Variants in FHIT observed in about 807,000 individuals in gnomAD.
FHIT encodes the protein bis(5'-adenosyl)-triphosphatase.
A neutral mutation model predicts 17.9 loss-of-function variants in FHIT; 19 were observed. The ratio of observed to expected loss-of-function variants is 1.06; its 90% CI spans 0.74 to 1.56. The LOEUF is 1.56. FHIT is among the 40% of genes most tolerant of loss of function. The pLI is 0.00. For missense variants in FHIT, 248 were observed against 189.2 expected (o/e 1.31, Z -1.82); for synonymous variants, 81 against 69.7 (o/e 1.16, Z -0.81).
chr3:60,054,065 T>C (rs1701988366), intron 5 of FHIT, among the ~76,000 whole-genome samples: 1 of 152,164 alleles, frequency 6.6e-6, no homozygotes, highest in South Asian at 2.1e-4. Context: ...ATAATTTTGC[T>C]CAATCATCAA....
intron 1 of FHIT, among the ~76,000 whole-genome samples, chr3:61,204,722 C>A (rs1402845524): frequency 6.6e-6 from 1 of 151,936 alleles, no homozygotes; most frequent in Non-Finnish European, 1.5e-5. Flanking sequence ...TAAGTACACA[C>A]CACGGAAATA....
intron 4 of FHIT, among the ~76,000 whole-genome samples, chr3:60,579,900 C>A (rs1402099419): frequency 2.0e-5 from 3 of 152,140 alleles, no homozygotes; most frequent in South Asian, 4.1e-4. Context: ...TCAGTTGGAT[C>A]TGGCCACTTC....
At chr3:60,017,419 C>A (rs146528858) in intron 5 of FHIT, among the ~76,000 whole-genome samples, 29 of 152,290 alleles carry the variant, frequency 1.9e-4, no homozygotes, top group African/African-American at 6.0e-4. Flanking sequence ...CATTTTGCCC[C>A]TTCTCATCCT....
chr3:60,134,079 C>T (rs1699708005), intron 5 of FHIT, among the ~76,000 whole-genome samples: 1 of 151,902 alleles, frequency 6.6e-6, no homozygotes, highest in Admixed American at 6.6e-5. Context: ...AAGAGTGATT[C>T]AAGCATGACC....
At chr3:60,231,199 C>T (rs962581671) in intron 5 of FHIT, among the ~76,000 whole-genome samples, 4 of 152,150 alleles carry the variant, frequency 2.6e-5, no homozygotes, top group Non-Finnish European at 4.4e-5. Flanking sequence ...TATTCTCCTT[C>T]TTTGCAGATA....
At chr3:60,586,557 C>T (rs1252195009) in intron 4 of FHIT, among the ~76,000 whole-genome samples, 6 of 151,966 alleles carry the variant, frequency 3.9e-5, no homozygotes, top group African/African-American at 1.4e-4. Flanking sequence ...TTCACTGCAG[C>T]ACTATTCACA....
chr3:60,545,491 CAAA>C (rs1239552946), intron 4 of FHIT, among the ~76,000 whole-genome samples: 1 of 152,136 alleles, frequency 6.6e-6, no homozygotes, highest in African/African-American at 2.4e-5. Flanking sequence ...TCTTGGGTAA[CAAA>C]AGCTATATAT....
At chr3:59,831,861 G>A (rs1308536705) in intron 8 of FHIT, among the ~76,000 whole-genome samples, 2 of 152,118 alleles carry the variant, frequency 1.3e-5, no homozygotes, top group Admixed American at 1.3e-4. Flanking sequence ...AGGGTTTAAA[G>A]GGTATTGCTC....
chr3:60,811,733 G>T (rs1229550669), intron 4 of FHIT, among the ~76,000 whole-genome samples: 1 of 151,998 alleles, frequency 6.6e-6, no homozygotes, highest in Non-Finnish European at 1.5e-5. Flanking sequence ...TTATTGCTTG[G>T]GTCCTATGCC....
At chr3:61,017,190 T>C (rs2032160713) in intron 3 of FHIT, among the ~76,000 whole-genome samples, 1 of 152,164 alleles carries the variant, frequency 6.6e-6, no homozygotes, top group Admixed American at 6.5e-5. Context: ...CTTGGGAAGC[T>C]AAAGCAGGAG....
At chr3:60,704,928 A>G (rs1482703756) in intron 4 of FHIT, among the ~76,000 whole-genome samples, 1 of 152,144 alleles carries the variant, frequency 6.6e-6, no homozygotes, top group Non-Finnish European at 1.5e-5. Flanking sequence ...TAAACTATTT[A>G]ACTGGTGAGC....
intron 3 of FHIT, among the ~76,000 whole-genome samples, chr3:60,953,364 G>A (rs1378344099): frequency 1.3e-5 from 2 of 151,888 alleles, no homozygotes; most frequent in East Asian, 1.9e-4. Context: ...TCCAAGGCTC[G>A]AACTGGATTC....
chr3:60,694,402 A>T (rs1429364735), intron 4 of FHIT, among the ~76,000 whole-genome samples: 2 of 152,364 alleles, frequency 1.3e-5, no homozygotes, highest in Non-Finnish European at 2.9e-5. Context: ...ATCATTAAAA[A>T]GTCAGGAAAC....
chr3:61,207,785 A>AT (rs2039299765), intron 1 of FHIT, among the ~76,000 whole-genome samples: 1 of 152,028 alleles, frequency 6.6e-6, no homozygotes, highest in Non-Finnish European at 1.5e-5. Context: ...GGATTCATTA[A>AT]TTTTTTGAAG....
At chr3:60,075,533 T>C (rs1311894831) in intron 5 of FHIT, among the ~76,000 whole-genome samples, 2 of 152,148 alleles carry the variant, frequency 1.3e-5, no homozygotes, top group Non-Finnish European at 2.9e-5. Flanking sequence ...AATGGTCAAA[T>C]GAGTTTGGAA....
chr3:59,889,458 T>G (rs73839582), intron 8 of FHIT, among the ~76,000 whole-genome samples: 3,573 of 152,278 alleles, frequency 0.023, 121 homozygotes, highest in African/African-American at 0.073. Flanking sequence ...AAATGAAGCC[T>G]CCCCATACCC....
chr3:61,141,957 A>T (rs990219644), intron 2 of FHIT, among the ~76,000 whole-genome samples: 1 of 151,378 alleles, frequency 6.6e-6, no homozygotes. Context: ...TTTCATGCAG[A>T]TCATCTCATT....
At chr3:60,851,397 C>G (rs112990165) in intron 3 of FHIT, among the ~76,000 whole-genome samples, 64 of 152,172 alleles carry the variant, frequency 4.2e-4, no homozygotes, top group Middle Eastern at 3.4e-3. Context: ...AATGTCAACA[C>G]TGGAATCTCA....
intron 4 of FHIT, among the ~76,000 whole-genome samples, chr3:60,711,173 G>A (rs1464228178): frequency 1.3e-5 from 2 of 152,156 alleles, no homozygotes; most frequent in Non-Finnish European, 2.9e-5. Context: ...AGGGTCTGGA[G>A]TGGACCTCTA....
Sources: allele counts gnomAD v4.1 joint callset (sites outside exome capture counted in the v4.1 genomes callset), GRCh38; gene constraint gnomAD v4.1.1; transcripts MANE v1.5; gene names NCBI Gene and HGNC (gene_info 2026-07-23, HGNC 2026-07-21).